The following DDAH1 variants were observed in gnomAD, a reference collection of about 807,000 sequenced individuals.
The protein encoded by DDAH1 is N(G),N(G)-dimethylarginine dimethylaminohydrolase 1.
A neutral mutation model predicts 28.8 loss-of-function variants in DDAH1; 19 were observed. The observed-to-expected ratio is 0.66, with a 90% CI of 0.46 to 0.97. The LOEUF is 0.97. Among genes scored for constraint, DDAH1 ranks in the 50% least tolerant of loss-of-function variants. The pLI is 0.00. For missense variants in DDAH1, 326 were observed against 375.9 expected, an observed-to-expected ratio of 0.87 and a Z score of 1.10; for synonymous variants, 153 against 154.4, an observed-to-expected ratio of 0.99 and a Z score of 0.07.
At chr1:85,407,785 A>G (rs1224624412) in intron 1 of DDAH1, among the ~76,000 whole-genome samples, 2 of 152,212 alleles carry the variant, frequency 1.3e-5, no homozygotes, top group Non-Finnish European at 1.5e-5. Flanking sequence ...ATTATGTAAC[A>G]GATATCCCAT....
intron 1 of DDAH1, among the ~76,000 whole-genome samples, chr1:85,573,677 ACAT>A (rs1557774172): frequency 6.6e-6 from 1 of 152,264 alleles, no homozygotes; most frequent in Non-Finnish European, 1.5e-5. Context: ...CCAGCTGCTT[ACAT>A]CATCAATTCA....
At chr1:85,546,337 A>T (rs1570664004) in intron 1 of DDAH1, among the ~76,000 whole-genome samples, 1 of 152,182 alleles carries the variant, frequency 6.6e-6, no homozygotes, top group Admixed American at 6.5e-5. Context: ...ACCTTCTACC[A>T]TGGGATGATA....
At chr1:85,573,917 C>A (rs996641912) in intron 1 of DDAH1, among the ~76,000 whole-genome samples, 1 of 152,198 alleles carries the variant, frequency 6.6e-6, no homozygotes, top group East Asian at 1.9e-4. Context: ...TTATAGAATG[C>A]TGGAGCAAGA....
intron 1 of DDAH1, among the ~76,000 whole-genome samples, chr1:85,432,819 T>C (rs1327327803): frequency 6.6e-6 from 1 of 152,188 alleles, no homozygotes; most frequent in Non-Finnish European, 1.5e-5. Flanking sequence ...TTAATTCTGG[T>C]ATTTCAGCAT....
chr1:85,391,660 A>AG (rs938012874), intron 1 of DDAH1, among the ~76,000 whole-genome samples: 1 of 152,240 alleles, frequency 6.6e-6, no homozygotes, highest in African/African-American at 2.4e-5. Flanking sequence ...AAGCAGGGAA[A>AG]AACTGCAAAT....
chr1:85,491,182 G>T (rs1173835045), intron 2 of DDAH1, among the ~76,000 whole-genome samples: 1 of 151,916 alleles, frequency 6.6e-6, no homozygotes, highest in African/African-American at 2.4e-5. Flanking sequence ...AAGTAGCTGG[G>T]ACTTCAAGTG....
At chr1:85,407,962 C>T (rs1028192645) in intron 1 of DDAH1, among the ~76,000 whole-genome samples, 5 of 152,128 alleles carry the variant, frequency 3.3e-5, no homozygotes, top group Non-Finnish European at 5.9e-5. Flanking sequence ...AACTGGAAGA[C>T]CACGCATGTG....
intron 1 of DDAH1, among the ~76,000 whole-genome samples, chr1:85,444,615 G>A (rs1654351484): frequency 6.6e-6 from 1 of 152,186 alleles, no homozygotes. Context: ...TCCTGAGAAT[G>A]TTGTGAGTGC....
chr1:85,326,802 T>TA lies in DDAH1; in HGVS notation c.598-1920dup, dbSNP rs1300868279. Among the ~76,000 whole-genome samples, 17 of 152,364 alleles carry TA rather than the reference T, an allele frequency of 1.1e-4. No homozygotes were observed. In the South Asian group the frequency reaches 2.3e-3, roughly 20 times the overall value. Reference sequence around the variant, plus strand: ...GGATAGGCCCATAGAGGGGCTCACCTATGGAGTGGGTCTTTCTTTACAGCC... The same window carrying TA: ...GGATAGGCCCATAGAGGGGCTCACCTAATGGAGTGGGTCTTTCTTTACAGCC... On this transcript the variant is annotated intron_variant, in intron 4 of 5. Coordinates refer to ENST00000284031, the MANE Select transcript of DDAH1 (RefSeq NM_012137.4).
At chr1:85,423,523 C>G (rs568393771) in intron 1 of DDAH1, among the ~76,000 whole-genome samples, 123 of 152,036 alleles carry the variant, frequency 8.1e-4, no homozygotes, top group African/African-American at 2.9e-3. Flanking sequence ...TGCTTCCTCC[C>G]TCCCTCCCTT....
intron 4 of DDAH1, among the ~76,000 whole-genome samples, chr1:85,330,499 TCTCA>T (rs923733257): frequency 1.3e-5 from 2 of 152,112 alleles, no homozygotes; most frequent in African/African-American, 4.8e-5. Context: ...ACTTCCTGCT[TCTCA>T]CTGTGTCTCA....
At chr1:85,575,343 TCAATGACAAATTCAACTCCTAC>T (rs1177129635) in intron 1 of DDAH1, among the ~76,000 whole-genome samples, 1 of 152,186 alleles carries the variant, frequency 6.6e-6, no homozygotes, top group Non-Finnish European at 1.5e-5. Flanking sequence ...AACCTTTATC[TCAATGACAAATTCAACTCCTAC>T]CAGGCCAAGC....
At chr1:85,510,486 T>C (rs1057318273) in intron 1 of DDAH1, among the ~76,000 whole-genome samples, 7 of 152,110 alleles carry the variant, frequency 4.6e-5, no homozygotes, top group African/African-American at 4.8e-5. Flanking sequence ...CAGGATCAAA[T>C]TCACACATAA....
Position 85,402,578 on chromosome 1 carries a change from T to C in DDAH1, c.304-43731A>G, listed in dbSNP as rs542116813. On this transcript the variant is annotated intron_variant, in intron 1 of 5. Coordinates refer to ENST00000284031, the MANE Select transcript of DDAH1 (RefSeq NM_012137.4). ...GCTTTGTATATTTTTCTGGTAAATA[T>C]AGCTGAACTAAGATTACATTTCTAG... 2.6e-5 allele frequency among the ~76,000 whole-genome samples: 4 copies of C among 152,302 alleles called. No individual in the cohort carries two copies. In the South Asian group the frequency reaches 8.3e-4, roughly 32 times the overall value.
At position 85,443,622 on chromosome 1, in the gene DDAH1, T is replaced by C. The variant is rs1654302163; in HGVS notation, c.303+21121A>G. ...AATCTATAAATTACCTTGGGCAGTA[T>C]AGTCATTTTCACAATATTGATTCTT... is the stretch of plus-strand genomic sequence containing the variant. On this transcript the variant is annotated intron_variant, in intron 1 of 5. Coordinates refer to ENST00000284031, the MANE Select transcript of DDAH1 (RefSeq NM_012137.4). Among the ~76,000 whole-genome samples the C allele has an allele frequency of 3.9e-5, 6 of 152,226 alleles. No homozygotes were observed. The South Asian group carries it at 1.2e-3, about 31-fold the overall frequency.
intron 1 of DDAH1, among the ~76,000 whole-genome samples, chr1:85,566,970 A>G (rs1159506855): frequency 6.6e-6 from 1 of 152,186 alleles, no homozygotes; most frequent in East Asian, 1.9e-4. Context: ...TGAAGAATCA[A>G]TGTGTCAGAT....
intron 2 of DDAH1, among the ~76,000 whole-genome samples, chr1:85,481,508 A>AC (rs1329996343): frequency 1.3e-5 from 2 of 152,226 alleles, no homozygotes; most frequent in East Asian, 3.8e-4. Context: ...TATGAGAATA[A>AC]CTACCCATGT....
At chr1:85,497,498 A>G (rs1002917370) in intron 1 of DDAH1, among the ~76,000 whole-genome samples, 9 of 152,260 alleles carry the variant, frequency 5.9e-5, no homozygotes, top group African/African-American at 1.9e-4. Flanking sequence ...CACATTGAAC[A>G]TGATTCAGAT....
chr1:85,539,754 C>T (rs1289440898), intron 1 of DDAH1, among the ~76,000 whole-genome samples: 3 of 152,088 alleles, frequency 2.0e-5, no homozygotes, highest in South Asian at 4.1e-4. Context: ...TTCCATCCCT[C>T]GATCAATTCT....
Sources: gnomAD v4.1 joint callset for allele counts (sites outside exome capture counted in the v4.1 genomes callset) on GRCh38, gnomAD v4.1.1 for gene constraint, MANE v1.5 for transcripts, NCBI Gene and HGNC (gene_info 2026-07-23, HGNC 2026-07-21) for gene names.